The following PTPRJ variants were observed in gnomAD, a reference collection of about 807,000 sequenced individuals.
The protein encoded by PTPRJ is receptor-type tyrosine-protein phosphatase eta.
PTPRJ carries 129 observed loss-of-function variants against 141.3 expected under a neutral mutation model. The observed-to-expected ratio is 0.91, with a 90% CI of 0.79 to 1.06. The LOEUF (loss-of-function observed/expected upper bound fraction) is 1.06, where lower values mean the gene tolerates loss of function less well. Among genes scored for constraint, PTPRJ ranks in the 50% least tolerant of loss-of-function variants. The probability of loss-of-function intolerance (pLI) is 0.00; values close to 1 mark genes in which losing one functional copy is unlikely to be tolerated. For synonymous variants in PTPRJ, 610 were observed against 640.5 expected (o/e 0.95, Z 0.72); for missense variants, 1,601 against 1,679.7 (o/e 0.95, Z 0.82).
intron 24 of PTPRJ, among the ~76,000 whole-genome samples, chr11:48,165,009 A>G (rs1857885666): frequency 6.6e-6 from 1 of 152,208 alleles, no homozygotes; most frequent in East Asian, 1.9e-4. Flanking sequence ...TAAATTACCC[A>G]ATACAAGTGA....
chr11:48,082,119 C>G (rs989685760), intron 1 of PTPRJ, among the ~76,000 whole-genome samples: 1 of 152,206 alleles, frequency 6.6e-6, no homozygotes, highest in Non-Finnish European at 1.5e-5. Flanking sequence ...TCAGTCCCAT[C>G]TCTCTTTTGT....
At chr11:48,145,145 C>T (rs747425227) in intron 14 of PTPRJ, 21 bp downstream of exon 14, 9 of 1,613,066 alleles carry the variant, frequency 5.6e-6, no homozygotes, top group Admixed American at 1.7e-5. Flanking sequence ...GACAACAGTC[C>T]TGGCACTGGT....
At chr11:47,985,641 C>T (rs918461316) in intron 1 of PTPRJ, among the ~76,000 whole-genome samples, 2 of 152,118 alleles carry the variant, frequency 1.3e-5, no homozygotes, top group Non-Finnish European at 2.9e-5. Context: ...AGAAGGTTTT[C>T]TGTGTGCAGC....
At chr11:48,121,802 T>G (rs1218914735) in intron 4 of PTPRJ, among the ~76,000 whole-genome samples, 1 of 152,226 alleles carries the variant, frequency 6.6e-6, no homozygotes. Flanking sequence ...ACTTAGCTTT[T>G]TTTTTAAGCT....
intron 1 of PTPRJ, among the ~76,000 whole-genome samples, chr11:48,052,921 C>A (rs1198549691): frequency 6.6e-6 from 1 of 150,948 alleles, no homozygotes; most frequent in African/African-American, 2.4e-5. Flanking sequence ...GGCCTGGCAG[C>A]CACAGAGATG....
At chr11:48,069,506 A>G (rs1346664515) in intron 1 of PTPRJ, among the ~76,000 whole-genome samples, 11 of 139,816 alleles carry the variant, frequency 7.9e-5, no homozygotes, top group Admixed American at 5.8e-4. Context: ...CTGAAGTGCA[A>G]TGGCGCAATC....
At chr11:48,007,026 A>G (rs368674429) in intron 1 of PTPRJ, among the ~76,000 whole-genome samples, 3 of 152,096 alleles carry the variant, frequency 2.0e-5, no homozygotes, top group East Asian at 1.9e-4. Flanking sequence ...CAAATTAGAG[A>G]GCAGTCTGAT....
At chr11:48,152,508 G>A (rs1165038813) in intron 18 of PTPRJ, among the ~76,000 whole-genome samples, 1 of 152,168 alleles carries the variant, frequency 6.6e-6, no homozygotes, top group Non-Finnish European at 1.5e-5. Flanking sequence ...TGTTTTAGAC[G>A]TAAAGTCCTT....
At chr11:48,078,806 T>G (rs1396226208) in intron 1 of PTPRJ, among the ~76,000 whole-genome samples, 1 of 151,170 alleles carries the variant, frequency 6.6e-6, no homozygotes, top group East Asian at 1.9e-4. Context: ...TTTTTTTTTT[T>G]TTTTTTTTTT....
intron 1 of PTPRJ, among the ~76,000 whole-genome samples, chr11:48,103,622 C>A (rs1334969456): frequency 6.6e-6 from 1 of 152,148 alleles, no homozygotes; most frequent in Non-Finnish European, 1.5e-5. Flanking sequence ...AAGTAAAAAA[C>A]AAGGTAATTT....
At chr11:48,091,417 T>G (rs904058330) in intron 1 of PTPRJ, among the ~76,000 whole-genome samples, 3 of 152,140 alleles carry the variant, frequency 2.0e-5, no homozygotes, top group African/African-American at 7.2e-5. Flanking sequence ...AGGCGTTAAG[T>G]GTGTGAAAGT....
intron 1 of PTPRJ, among the ~76,000 whole-genome samples, chr11:48,050,433 G>C (rs1348532443): frequency 1.3e-5 from 2 of 152,084 alleles, no homozygotes; most frequent in Non-Finnish European, 2.9e-5. Context: ...CATAGTTTCT[G>C]TTAGAATTCA....
intron 1 of PTPRJ, among the ~76,000 whole-genome samples, chr11:48,106,747 T>TTTTC (rs1239553140): frequency 1.0e-3 from 150 of 148,018 alleles, no homozygotes; most frequent in Middle Eastern, 3.5e-3. Flanking sequence ...TCTTCTTTTC[T>TTTTC]TTTCTTTCTT....
At chr11:48,150,857 C>T (rs1055649125) in intron 18 of PTPRJ, among the ~76,000 whole-genome samples, 7 of 152,212 alleles carry the variant, frequency 4.6e-5, no homozygotes, top group Admixed American at 4.6e-4. Flanking sequence ...CTCTTGAAAT[C>T]CTGCTCAGCA....
At chr11:47,996,972 C>A (rs945724864) in intron 1 of PTPRJ, among the ~76,000 whole-genome samples, 2 of 152,216 alleles carry the variant, frequency 1.3e-5, no homozygotes. Flanking sequence ...GAATGCTTAG[C>A]CTTTGCTCTT....
chr11:48,133,859 C>T (rs1857030724), intron 8 of PTPRJ, among the ~76,000 whole-genome samples: 1 of 152,198 alleles, frequency 6.6e-6, no homozygotes. Flanking sequence ...CACAGAAGGA[C>T]AAATACTGGA....
chr11:48,164,337 C>T (rs776089295), intron 23 of PTPRJ, 43 bp from the exon 24 acceptor site: 59 of 1,602,812 alleles, frequency 3.7e-5, no homozygotes, highest in Non-Finnish European at 4.7e-5. Flanking sequence ...GGGTTGCAGT[C>T]GAGGGAACCC....
chr11:48,162,537 CTCTG>C (rs777399166), intron 22 of PTPRJ, among the ~76,000 whole-genome samples: 2 of 152,202 alleles, frequency 1.3e-5, no homozygotes, highest in Admixed American at 6.5e-5. Context: ...TCTCCCTTCA[CTCTG>C]TCTGTTTTTC....
intron 1 of PTPRJ, among the ~76,000 whole-genome samples, chr11:48,094,973 G>A (rs113294421): frequency 1.5e-3 from 229 of 152,202 alleles, no homozygotes; most frequent in African/African-American, 5.2e-3. Flanking sequence ...AAGGGAGCCG[G>A]GCCATGGTCG....
Sources: gnomAD v4.1 joint callset for allele counts (sites outside exome capture counted in the v4.1 genomes callset) on GRCh38, gnomAD v4.1.1 for gene constraint, MANE v1.5 for transcripts, NCBI Gene and HGNC (gene_info 2026-07-23, HGNC 2026-07-21) for gene names.